The following RPTOR variants were observed in gnomAD, a reference collection of about 807,000 sequenced individuals.
RPTOR encodes the protein regulatory-associated protein of mTOR.
A neutral mutation model predicts 169.9 loss-of-function variants in RPTOR; 21 were observed. That is an observed-to-expected ratio of 0.12 (90% CI 0.09 to 0.18). The LOEUF (loss-of-function observed/expected upper bound fraction) is 0.18, where lower values mean the gene tolerates loss of function less well. Ranked by LOEUF, RPTOR falls within the 10% of genes least tolerant of loss-of-function variation. The pLI is 1.00. For synonymous variants in RPTOR, 732 were observed against 753.2 expected (o/e 0.97, Z 0.46); for missense variants, 1,133 against 1,855.9 (o/e 0.61, Z 7.16).
chr17:80,821,010 T>C (rs1275293708), intron 7 of RPTOR, among the ~76,000 whole-genome samples: 1 of 152,270 alleles, frequency 6.6e-6, no homozygotes, highest in Non-Finnish European at 1.5e-5. Flanking sequence ...AATATTATAC[T>C]AACTTCTCAA....
At chr17:80,615,878 C>T (rs1018552606) in intron 1 of RPTOR, among the ~76,000 whole-genome samples, 3 of 152,164 alleles carry the variant, frequency 2.0e-5, no homozygotes, top group Admixed American at 6.5e-5. Flanking sequence ...GGAGGCCTTT[C>T]TTCCAGGCCT....
At chr17:80,943,524 G>A (rs2069060104) in intron 25 of RPTOR, among the ~76,000 whole-genome samples, 1 of 152,100 alleles carries the variant, frequency 6.6e-6, no homozygotes, top group East Asian at 1.9e-4. Flanking sequence ...CCCAGATCGG[G>A]AGGCTGGGCT....
chr17:80,958,620 A>G (rs1414368840), intron 29 of RPTOR, among the ~76,000 whole-genome samples: 1 of 151,552 alleles, frequency 6.6e-6, no homozygotes, highest in South Asian at 2.1e-4. Context: ...TTCACGTGTT[A>G]GCCAGAATGG....
At chr17:80,673,700 A>G (rs966555498) in intron 3 of RPTOR, among the ~76,000 whole-genome samples, 21 of 152,278 alleles carry the variant, frequency 1.4e-4, no homozygotes, top group African/African-American at 3.8e-4. Flanking sequence ...TCCTGTTTCA[A>G]TTCTTCAAAG....
chr17:80,881,873 T>A (rs537024439), intron 14 of RPTOR, among the ~76,000 whole-genome samples: 43 of 152,340 alleles, frequency 2.8e-4, no homozygotes, highest in Non-Finnish European at 4.3e-4. Flanking sequence ...CTAGAAAGAA[T>A]TTGCTATGAT....
At chr17:80,765,750 C>T (rs992726778) in intron 6 of RPTOR, among the ~76,000 whole-genome samples, 2 of 152,132 alleles carry the variant, frequency 1.3e-5, no homozygotes, top group African/African-American at 4.8e-5. Context: ...CTTTTTCTCT[C>T]GTTATGGAGG....
intron 21 of RPTOR, among the ~76,000 whole-genome samples, chr17:80,920,387 G>T (rs1294857060): frequency 6.6e-6 from 1 of 152,360 alleles, no homozygotes; most frequent in South Asian, 2.1e-4. Context: ...TGATCCAGGT[G>T]TGTGTCTGTC....
intron 1 of RPTOR, among the ~76,000 whole-genome samples, chr17:80,596,849 A>G (rs1026378350): frequency 6.6e-6 from 1 of 152,182 alleles, no homozygotes; most frequent in African/African-American, 2.4e-5. Context: ...TATTTTCCTC[A>G]AAGCAAAATG....
chr17:80,939,844 A>T (rs545863287), intron 24 of RPTOR, among the ~76,000 whole-genome samples: 91 of 152,106 alleles, frequency 6.0e-4, no homozygotes, highest in African/African-American at 2.1e-3. Flanking sequence ...CTCAGTGCTG[A>T]CCTCAGTGCC....
intron 9 of RPTOR, among the ~76,000 whole-genome samples, chr17:80,832,964 G>A (rs946363271): frequency 6.6e-5 from 10 of 152,306 alleles, no homozygotes; most frequent in African/African-American, 9.6e-5. Flanking sequence ...GCTTCAGGCC[G>A]CGGCAGTAAT....
At chr17:80,829,061 C>T (rs960882418) in intron 9 of RPTOR, among the ~76,000 whole-genome samples, 1 of 152,164 alleles carries the variant, frequency 6.6e-6, no homozygotes, top group Non-Finnish European at 1.5e-5. Flanking sequence ...GATGGTTCTC[C>T]ATTTTAAAAA....
chr17:80,869,961 C>G (rs957336294), intron 13 of RPTOR, among the ~76,000 whole-genome samples: 2 of 152,166 alleles, frequency 1.3e-5, no homozygotes, highest in African/African-American at 4.8e-5. Flanking sequence ...CCGCTGGTCA[C>G]ACTTTGCAAG....
rs757642936 is a variant in RPTOR, at chr17:80,957,597, A to G, written c.3371-27A>G. ...GCCCAAGGCAAGGGCCCATGGGGTG[A>G]TGCCATGTCCCACTGTATCTCTCCA... On this transcript the variant is annotated intron_variant, in intron 28 of 33. Transcript: ENST00000306801. This position sits in a 1 kb window ranked among gnomAD's most constrained non-coding sequence, Gnocchi z 4.6. 1.9e-6 allele frequency: 3 copies of G among 1,607,778 alleles called. No individual in the cohort carries two copies. Among genetic ancestry groups the G allele is most frequent in the South Asian group, 2.2e-5 (2 of 90,952 alleles).
intron 3 of RPTOR, among the ~76,000 whole-genome samples, chr17:80,691,039 C>G (rs1273908123): frequency 6.6e-6 from 1 of 152,168 alleles, no homozygotes; most frequent in Admixed American, 6.5e-5. Flanking sequence ...AAGCAATCTT[C>G]CTGCCTCAGC....
chr17:80,896,964 G>A (rs1400694471), intron 20 of RPTOR, among the ~76,000 whole-genome samples: 10 of 152,218 alleles, frequency 6.6e-5, no homozygotes, highest in African/African-American at 2.4e-4. Flanking sequence ...GGCAAAAAAA[G>A]AAAGAATGCC....
At chr17:80,617,317 T>A (rs2065319301) in intron 1 of RPTOR, among the ~76,000 whole-genome samples, 1 of 152,226 alleles carries the variant, frequency 6.6e-6, no homozygotes, top group African/African-American at 2.4e-5. Context: ...TTTAATATTC[T>A]TTGAGAACAT....
At chr17:80,790,044 C>T (rs1342706895) in intron 6 of RPTOR, among the ~76,000 whole-genome samples, 1 of 152,086 alleles carries the variant, frequency 6.6e-6, no homozygotes, top group Non-Finnish European at 1.5e-5. Context: ...TTCTGGTTTG[C>T]CTGGGACCAC....
intron 3 of RPTOR, among the ~76,000 whole-genome samples, chr17:80,648,663 A>G (rs1363019091): frequency 3.3e-5 from 5 of 152,094 alleles, no homozygotes; most frequent in African/African-American, 4.8e-5. Flanking sequence ...GGGCAAAGCA[A>G]TTGGTATCAG....
At chr17:80,742,686 CAG>C (rs2066495040) in intron 5 of RPTOR, among the ~76,000 whole-genome samples, 2 of 102,912 alleles carry the variant, frequency 1.9e-5, no homozygotes, top group African/African-American at 3.8e-5. Context: ...GCCATATACA[CAG>C]AGACACACAT....
Sources: gnomAD v4.1 joint callset for allele counts (sites outside exome capture counted in the v4.1 genomes callset) on GRCh38, gnomAD v4.1.1 for gene constraint, Gnocchi (gnomAD v3.1) non-coding constraint, MANE v1.5 for transcripts, NCBI Gene and HGNC (gene_info 2026-07-23, HGNC 2026-07-21) for gene names.